RCAN2: variants seen among roughly 807,000 people sequenced by gnomAD.
The protein encoded by RCAN2 is regulator of calcineurin 2, also known as calcipressin-2.
A neutral mutation model predicts 23.6 loss-of-function variants in RCAN2; 9 were observed. The ratio of observed to expected loss-of-function variants is 0.38; its 90% CI spans 0.23 to 0.67. RCAN2 has a LOEUF of 0.67. Among genes scored for constraint, RCAN2 ranks in the 30% least tolerant of loss-of-function variants. The probability of loss-of-function intolerance (pLI) is 0.51; values close to 1 mark genes in which losing one functional copy is unlikely to be tolerated. For synonymous variants in RCAN2, 109 were observed against 115.7 expected (o/e 0.94, Z 0.37); for missense variants, 273 against 302.3 (o/e 0.90, Z 0.72).
In RCAN2 at chr6:46,253,315, T is replaced by C. The variant is rs140253336; in HGVS notation, c.226-4419A>G. Among the ~76,000 whole-genome samples, 646 of 152,372 alleles carry C rather than the reference T, an allele frequency of 4.2e-3. 6 individuals carry two copies. Among genetic ancestry groups the C allele is most frequent in the African/African-American group, 0.015 (610 of 41,598 alleles). The stretch of plus-strand genomic sequence containing the variant: ...TTATTGGGCAACACACACTTTCAGT[T>C]ATTTTTCTTATAGTAGCAGATTCAT... On this transcript the variant is annotated intron_variant, in intron 2 of 4. Coordinates refer to ENST00000371374, the MANE Select transcript of RCAN2 (RefSeq NM_001251974.2).
intron 2 of RCAN2, among the ~76,000 whole-genome samples, chr6:46,377,989 C>A (rs1268825726): frequency 6.6e-6 from 1 of 152,154 alleles, no homozygotes; most frequent in Non-Finnish European, 1.5e-5. Flanking sequence ...TGCATGAGCA[C>A]CCCAAAAATG....
rs1295741149 is a variant in RCAN2 at position 46,222,347 on chromosome 6, G to A, written c.*794C>T. 1.1e-5 allele frequency: 2 copies of A among 176,992 alleles called. No individual in the cohort carries two copies. Among genetic ancestry groups the A allele is most frequent in the Non-Finnish European group, 2.4e-5 (2 of 84,654 alleles). The allele number at this position is 176,992 out of a possible 1,614,324, so 11.0% of individuals were successfully genotyped here. A position where few individuals can be genotyped will look rare whatever the true frequency, so the allele number is the denominator to read the frequency against. Reference sequence around the variant, plus strand: ...GAGAAAACAATCATTCAGACACCATGAAACTTTTGTAATAAATAGGTTTGT... The same window carrying A: ...GAGAAAACAATCATTCAGACACCATAAAACTTTTGTAATAAATAGGTTTGT... On this transcript the variant is annotated 3_prime_UTR_variant, in exon 5 of 5. Coordinates refer to ENST00000371374, the MANE Select transcript of RCAN2 (RefSeq NM_001251974.2).
intron 2 of RCAN2, among the ~76,000 whole-genome samples, chr6:46,447,958 C>T (rs1561909933): frequency 6.6e-6 from 1 of 150,886 alleles, no homozygotes. Flanking sequence ...ACAAACTAAG[C>T]CCAAAGTTAG....
intron 2 of RCAN2, among the ~76,000 whole-genome samples, chr6:46,379,453 C>T (rs1765565077): frequency 6.6e-6 from 1 of 152,112 alleles, no homozygotes; most frequent in African/African-American, 2.4e-5. Flanking sequence ...TTATATGCTC[C>T]AGATAAATGA....
In RCAN2 at chr6:46,279,596, C is replaced by T. The variant is rs79130531; in HGVS notation, c.226-30700G>A. On this transcript the variant is annotated intron_variant, in intron 2 of 4. Coordinates refer to ENST00000371374, the MANE Select transcript of RCAN2 (RefSeq NM_001251974.2). ...GCACTGCTCTGTACATTCCTGCCTC[C>T]GGATCTTTGATCAAAGTATTCTTCA... Among the ~76,000 whole-genome samples, 663 of 152,284 alleles carry T rather than the reference C, an allele frequency of 4.4e-3. 7 individuals are homozygous for T. The highest frequency in any genetic ancestry group is 0.032 in the East Asian group (163 of 5,174).
intron 4 of RCAN2, among the ~76,000 whole-genome samples, chr6:46,240,319 A>G (rs1766260673): frequency 6.6e-6 from 1 of 150,864 alleles, no homozygotes; most frequent in African/African-American, 2.5e-5. Flanking sequence ...TTTTGGTCAT[A>G]TGTCTTCTGT....
chr6:46,489,245 CT>C (rs1188020087), intron 1 of RCAN2, among the ~76,000 whole-genome samples: 1 of 152,184 alleles, frequency 6.6e-6, no homozygotes, highest in Non-Finnish European at 1.5e-5. Flanking sequence ...TCCAGATTCC[CT>C]CCACTCTTTC....
At chr6:46,335,268 C>T (rs973118455) in intron 2 of RCAN2, among the ~76,000 whole-genome samples, 3 of 152,174 alleles carry the variant, frequency 2.0e-5, no homozygotes, top group East Asian at 3.8e-4. Context: ...CTGGAAGCAT[C>T]GGAGTCCTCA....
chr6:46,415,546 T>A (rs1766688892), intron 2 of RCAN2, among the ~76,000 whole-genome samples: 1 of 152,118 alleles, frequency 6.6e-6, no homozygotes, highest in Non-Finnish European at 1.5e-5. Flanking sequence ...GAGAACCATT[T>A]GCATAAACAA....
chr6:46,471,581 G>A (rs891998539), intron 1 of RCAN2, among the ~76,000 whole-genome samples: 2 of 152,178 alleles, frequency 1.3e-5, no homozygotes, highest in African/African-American at 4.8e-5. Flanking sequence ...GATGAAATCA[G>A]AAGTCTAGTT....
chr6:46,355,172 T>C (rs1764788999), intron 2 of RCAN2, among the ~76,000 whole-genome samples: 1 of 152,196 alleles, frequency 6.6e-6, no homozygotes, highest in Non-Finnish European at 1.5e-5. Context: ...TGTATACTAA[T>C]CATTATGAAT....
In RCAN2 at chr6:46,456,483, T is replaced by C. The variant is rs543109383; in HGVS notation, c.225+269A>G. ...CCTAAGGGGCATTTCCTACAATCCA[T>C]ATTAACACCATTTGTTTTGCTAGAT... On this transcript the variant is annotated intron_variant, in intron 2 of 4. Transcript: ENST00000371374. Among the ~76,000 whole-genome samples, 195 of 152,310 alleles carry C rather than the reference T, an allele frequency of 1.3e-3. No homozygotes were observed. In the Middle Eastern group the frequency reaches 0.017, roughly 13 times the overall value.
chr6:46,328,562 C>T (rs969166236), intron 2 of RCAN2, among the ~76,000 whole-genome samples: 1 of 152,128 alleles, frequency 6.6e-6, no homozygotes, highest in Non-Finnish European at 1.5e-5. Flanking sequence ...GGCTAGAGAG[C>T]CCAGGAGGCT....
At chr6:46,299,473 T>A (rs1762834659) in intron 2 of RCAN2, among the ~76,000 whole-genome samples, 1 of 152,056 alleles carries the variant, frequency 6.6e-6, no homozygotes, top group South Asian at 2.1e-4. Flanking sequence ...CTACTCTGTA[T>A]CTACATGGGA....
chr6:46,382,582 GAAC>G (rs1361067225), intron 2 of RCAN2, among the ~76,000 whole-genome samples: 1 of 152,116 alleles, frequency 6.6e-6, no homozygotes, highest in South Asian at 2.1e-4. Flanking sequence ...AAACAAGAAA[GAAC>G]AACAACACCA....
At chr6:46,432,713 C>T (rs1025393341) in intron 2 of RCAN2, among the ~76,000 whole-genome samples, 1 of 152,098 alleles carries the variant, frequency 6.6e-6, no homozygotes, top group East Asian at 1.9e-4. Context: ...ATATTAGCAA[C>T]TCAAAAATCC....
At chr6:46,353,399 A>G (rs551747497) in intron 2 of RCAN2, among the ~76,000 whole-genome samples, 9 of 152,240 alleles carry the variant, frequency 5.9e-5, no homozygotes, top group Non-Finnish European at 1.2e-4. Flanking sequence ...GTATCTAGAG[A>G]CAGTGCAGGT....
chr6:46,244,275 T>C (rs1378200591), intron 4 of RCAN2, among the ~76,000 whole-genome samples: 2 of 152,166 alleles, frequency 1.3e-5, no homozygotes, highest in African/African-American at 4.8e-5. Context: ...GCCAACTGCT[T>C]TTTTTTCTCT....
rs916924872 is a variant in RCAN2 at position 46,403,762 on chromosome 6, C to A, written c.225+52990G>T. ...TCCTGCTGTTTAAAATAAATCTCTACACAAAGTGAGTTATTAATAGTAAAA... is the reference window on the plus strand; with the variant it reads ...TCCTGCTGTTTAAAATAAATCTCTAAACAAAGTGAGTTATTAATAGTAAAA... On this transcript the variant is annotated intron_variant, in intron 2 of 4. Coordinates refer to ENST00000371374, the MANE Select transcript of RCAN2 (RefSeq NM_001251974.2). 2.0e-5 allele frequency among the ~76,000 whole-genome samples: 3 copies of A among 152,172 alleles called. No individual in the cohort carries two copies. The East Asian group carries it at 5.8e-4, about 29-fold the overall frequency.
Sources: gnomAD v4.1 joint callset for allele counts (sites outside exome capture counted in the v4.1 genomes callset) on GRCh38, gnomAD v4.1.1 for gene constraint, MANE v1.5 for transcripts, NCBI Gene and HGNC (gene_info 2026-07-23, HGNC 2026-07-21) for gene names.